FPR1: variants seen among roughly 807,000 people sequenced by gnomAD.
The protein encoded by FPR1 is formyl peptide receptor 1, also known as N-formyl peptide receptor 1.
For synonymous variants in FPR1, 193 were observed against 176.7 expected, an observed-to-expected ratio of 1.09 and a Z score of -0.73; for missense variants, 407 against 453.0, an observed-to-expected ratio of 0.90 and a Z score of 0.92.
rs867228 is a variant in FPR1 at position 51,745,958 on chromosome 19, T to C, written c.1037A>G (p.Glu346Gly). ...TNSTLPSAEV[E>G]LQAK ...GCTCCCTCCTCACTTTGCCTGTAAC[T>C]CCACCTCTGCAGAAGGTAAAGTAGA... is the stretch of plus-strand genomic sequence containing the variant. The change falls in exon 2 of 2, where the codon GAG becomes GGG. Residue 346 changes from glutamate to glycine, a missense_variant. Coordinates refer to ENST00000304748, the MANE Select transcript of FPR1 (RefSeq NM_002029.4). The C allele has an allele frequency of 6.2e-7, 1 of 1,609,460 alleles. No homozygotes were observed. The highest frequency in any genetic ancestry group is 8.5e-7 in the Non-Finnish European group (1 of 1,176,154).
chr19:51,749,408 T>A (rs1468096240), intron 1 of FPR1, among the ~76,000 whole-genome samples: 4 of 152,138 alleles, frequency 2.6e-5, no homozygotes, highest in African/African-American at 9.6e-5. Flanking sequence ...TCCAATGGAT[T>A]CTGTGCTAGA....
rs1219580531 is a variant in FPR1, at chr19:51,746,284, A to G, written c.711T>C (p.Ser237=). The change falls in exon 2 of 2, where the codon AGT becomes AGC. Residue 237 remains serine, a synonymous_variant. Transcript: ENST00000304748. The surrounding 1 kb of genome is among the most constrained non-coding windows in gnomAD (Gnocchi z 4.3). ...CAAAGGAGAGGACCCGTAAGGGACG[A>G]CTGGACTTAATCAAGCCTTGCTTGT... ...KIHKQGLIKS[S]RPLRVLSFVA... 5 of 1,614,168 alleles carry G rather than the reference A, an allele frequency of 3.1e-6. No individual in the cohort carries two copies. Among genetic ancestry groups the G allele is most frequent in the Non-Finnish European group, 2.5e-6 (3 of 1,180,038 alleles).
intron 1 of FPR1, among the ~76,000 whole-genome samples, chr19:51,747,274 A>T (rs550871213): frequency 7.4e-5 from 11 of 148,666 alleles, no homozygotes; most frequent in African/African-American, 2.8e-4. Context: ...GCTGGAGTGC[A>T]GTGGCGTGAT....
At position 51,746,798 on chromosome 19, in the gene FPR1, T is replaced by G; in HGVS notation, c.197A>C (p.Asn66Thr). 3 of 1,614,114 alleles carry G rather than the reference T, an allele frequency of 1.9e-6. No homozygotes were observed. Among genetic ancestry groups the G allele is most frequent in the Non-Finnish European group, 2.5e-6 (3 of 1,180,030 alleles). ...GAAACAGAAGTCAGCCACGGCCAGG[T>G]TCAGGTAACTGATGGTGGTGACTGT... ...THTVTTISYL[N>T]LAVADFCFTS... The change falls in exon 2 of 2, where the codon AAC becomes ACC. Residue 66 changes from asparagine (N) to threonine (T), a missense_variant. Transcript: ENST00000304748. This position sits in a 1 kb window ranked among gnomAD's most constrained non-coding sequence, Gnocchi z 4.3.
At chr19:51,747,309 G>A (rs566084231) in intron 1 of FPR1, among the ~76,000 whole-genome samples, 24 of 150,206 alleles carry the variant, frequency 1.6e-4, no homozygotes, top group East Asian at 7.8e-4. Flanking sequence ...TCCACCTCCC[G>A]GGTTCAAGCA....
At chr19:51,745,217 G>A (rs1417979613), downstream of FPR1, 1 of 151,168 alleles carries the variant, frequency 6.6e-6, no homozygotes, top group Non-Finnish European at 1.5e-5. Context: ...GTGTAGTGGC[G>A]TTTTCTTGGC....
At chr19:51,750,667 A>T (rs1352917568) in intron 1 of FPR1, 4 of 152,162 alleles carry the variant, frequency 2.6e-5, no homozygotes, top group African/African-American at 9.7e-5. Context: ...AGAGAGGAAA[A>T]CCTGTGCAAT....
At chr19:51,747,990 A>AAAATT (rs758621239) in intron 1 of FPR1, among the ~76,000 whole-genome samples, 5 of 152,122 alleles carry the variant, frequency 3.3e-5, no homozygotes, top group Non-Finnish European at 7.4e-5. Flanking sequence ...CAACAACAAC[A>AAAATT]AAATTAAATT....
intron 1 of FPR1, among the ~76,000 whole-genome samples, chr19:51,749,844 G>A (rs1307634325): frequency 6.6e-6 from 1 of 151,904 alleles, no homozygotes; most frequent in Non-Finnish European, 1.5e-5. Flanking sequence ...CTTTTTAATT[G>A]TATTTTAGTA....
chr19:51,747,354 T>G (rs2083755167), intron 1 of FPR1, among the ~76,000 whole-genome samples: 1 of 152,000 alleles, frequency 6.6e-6, no homozygotes, highest in African/African-American at 2.4e-5. Context: ...TAGCTGAGAC[T>G]ACAGGTATGC....
rs1366588879 is a variant in FPR1 at position 51,746,684 on chromosome 19, A to G, written c.311T>C (p.Ile104Thr). The change falls in exon 2 of 2, where the codon ATA becomes ACA. Residue 104 changes from isoleucine to threonine, a missense_variant. Ile to Thr is a moderately conservative substitution (Grantham distance 89). Transcript: ENST00000304748. The surrounding 1 kb of genome is among the most constrained non-coding windows in gnomAD (Gnocchi z 4.3). Reference protein sequence around the residue: ...GWFLCKFVFTIVDINLFGSVF... With the variant: ...GWFLCKFVFTTVDINLFGSVF... The stretch of plus-strand genomic sequence containing the variant: ...ACTTCCGAACAAGTTGATGTCCACT[A>G]TGGTAAAGACGAATTTGCACAGGAA... 13 of 1,614,182 alleles carry G rather than the reference A, an allele frequency of 8.1e-6. No homozygotes were observed. Among genetic ancestry groups the G allele is most frequent in the Non-Finnish European group, 1.1e-5 (13 of 1,180,022 alleles).
In FPR1 at chr19:51,746,364, T is replaced by G; in HGVS notation, c.631A>C (p.Ser211Arg). 6.2e-7 allele frequency: 1 copy of G among 1,614,200 alleles called. No individual in the cohort carries two copies. Among genetic ancestry groups the G allele is most frequent in the Non-Finnish European group, 8.5e-7 (1 of 1,180,022 alleles). The stretch of plus-strand genomic sequence containing the variant: ...ACAGCAACGATGGACATGGGTGCGC[T>G]GAAGCCAATGATGAACCGGATGATG... ...RGIIRFIIGF[S>R]APMSIVAVSY... is the part of the protein sequence containing the mutation. Residue 211 changes from serine (S) to arginine (R), a missense_variant, in exon 2 of 2, where the codon AGC becomes CGC. Coordinates refer to ENST00000304748, the MANE Select transcript of FPR1 (RefSeq NM_002029.4). The surrounding 1 kb of genome is among the most constrained non-coding windows in gnomAD (Gnocchi z 4.3).
chr19:51,746,524 T>C lies in FPR1; in HGVS notation c.471A>G (p.Thr157=), dbSNP rs763553366. 5.6e-6 allele frequency: 9 copies of C among 1,614,144 alleles called. No homozygotes were observed. The highest frequency in any genetic ancestry group is 1.1e-5 in the South Asian group (1 of 91,078). ...IGPWVMALLL[T]LPVIIRVTTV... ...TAGTCACACGAATGATAACTGGCAA[T>C]GTGAGGAGCAGAGCCATCACCCAGG... Residue 157 remains threonine, a synonymous_variant, in exon 2 of 2, where the codon ACA becomes ACG. Transcript: ENST00000304748. This position sits in a 1 kb window ranked among gnomAD's most constrained non-coding sequence, Gnocchi z 4.3.
Position 51,746,977 on chromosome 19 carries a change from A to ATGGATGG in FPR1, c.17_18insCCATCCA (p.Leu7HisfsTer67). On this transcript the variant is annotated frameshift_variant, in exon 2 of 2. Coordinates refer to ENST00000304748, the MANE Select transcript of FPR1 (RefSeq NM_002029.4). LOFTEE classifies it low-confidence loss of function (END_TRUNC). The surrounding 1 kb of genome is among the most constrained non-coding windows in gnomAD (Gnocchi z 4.3). Reference sequence around the variant, plus strand: ...TCCCTCCAGAGATGTTCGTGGGGAGAGAGGAATTTGTCTCCATCTTGTCTG... The same window carrying ATGGATGG: ...TCCCTCCAGAGATGTTCGTGGGGAGATGGATGGGAGGAATTTGTCTCCATCTTGTCTG... The ATGGATGG allele has an allele frequency of 6.2e-7, 1 of 1,612,016 alleles. No homozygotes were observed. The highest frequency in any genetic ancestry group is 8.5e-7 in the Non-Finnish European group (1 of 1,178,484).
chr19:51,749,149 A>G (rs1374677910), intron 1 of FPR1, among the ~76,000 whole-genome samples: 1 of 151,642 alleles, frequency 6.6e-6, no homozygotes, highest in Non-Finnish European at 1.5e-5. Flanking sequence ...TGGGAGGCGG[A>G]GGTTGCAGTG....
chr19:51,745,802 TCAGG>T lies in FPR1; in HGVS notation c.*136_*139del. ...CTCATATCTGTTTATTCTCCCCAAA[TCAGG>T]GGACACAAAGGCTTTTTTTTTTTTT... is the stretch of plus-strand genomic sequence containing the variant. On this transcript the variant is annotated 3_prime_UTR_variant, in exon 2 of 2. Transcript: ENST00000304748. The T allele has an allele frequency of 1.4e-6, 1 of 694,762 alleles. No homozygotes were observed. Among genetic ancestry groups the T allele is most frequent in the Non-Finnish European group, 2.4e-6 (1 of 411,730 alleles). 43.0% of individuals were successfully genotyped at this position (694,762 alleles called of 1,614,324 possible).
intron 1 of FPR1, among the ~76,000 whole-genome samples, chr19:51,750,439 C>T (rs1040892426): frequency 3.3e-5 from 5 of 152,170 alleles, no homozygotes; most frequent in African/African-American, 1.2e-4. Flanking sequence ...AAAGTGCCTA[C>T]TTGACACTTT....
chr19:51,750,990 C>T (rs1012131507), intron 1 of FPR1, among the ~76,000 whole-genome samples: 3 of 152,132 alleles, frequency 2.0e-5, no homozygotes, highest in Admixed American at 6.5e-5. Flanking sequence ...ATCACTGATC[C>T]GAAAGGTGAC....
chr19:51,748,234 G>T (rs955638086), intron 1 of FPR1, among the ~76,000 whole-genome samples: 1 of 152,196 alleles, frequency 6.6e-6, no homozygotes, highest in African/African-American at 2.4e-5. Context: ...GTCACATTTT[G>T]TATGATTCCA....
Sources: allele counts gnomAD v4.1 joint callset (sites outside exome capture counted in the v4.1 genomes callset), GRCh38; gene constraint gnomAD v4.1.1; non-coding constraint Gnocchi (gnomAD v3.1); transcripts MANE v1.5; gene names NCBI Gene and HGNC (gene_info 2026-07-23, HGNC 2026-07-21).